The following CACNA1C variants were observed in gnomAD, a reference collection of about 807,000 sequenced individuals.
CACNA1C encodes voltage-dependent L-type calcium channel subunit alpha-1C.
In CACNA1C, 30 loss-of-function variants were observed where a neutral mutation model predicts 229.0. The observed-to-expected ratio is 0.13, with a 90% CI of 0.10 to 0.18. The LOEUF (loss-of-function observed/expected upper bound fraction) is 0.18. Among genes scored for constraint, CACNA1C ranks in the 10% least tolerant of loss-of-function variants. CACNA1C has a pLI of 1.00. For synonymous variants in CACNA1C, 1,114 were observed against 1,132.5 expected, an observed-to-expected ratio of 0.98 and a Z score of 0.33; for missense variants, 1,658 against 2,845.0, an observed-to-expected ratio of 0.58 and a Z score of 9.49.
chr12:2,655,817 T>C (rs956066801), intron 34 of CACNA1C, among the ~76,000 whole-genome samples: 10 of 152,152 alleles, frequency 6.6e-5, no homozygotes, highest in African/African-American at 2.4e-4. Context: ...TAAGACACCA[T>C]ATTAACAGAA....
At chr12:2,145,645 G>A (rs1002423543) in intron 3 of CACNA1C, among the ~76,000 whole-genome samples, 2 of 151,260 alleles carry the variant, frequency 1.3e-5, no homozygotes, top group African/African-American at 4.8e-5. Flanking sequence ...GTGAGAGAGG[G>A]TATGGTACCT....
intron 1 of CACNA1C, among the ~76,000 whole-genome samples, chr12:2,097,271 G>C (rs368298349): frequency 1.2e-4 from 18 of 152,106 alleles, no homozygotes; most frequent in African/African-American, 2.6e-4. Flanking sequence ...TCAGCCTCCC[G>C]TGTAGCTGGG....
chr12:2,239,111 A>G (rs2154371484), intron 3 of CACNA1C, among the ~76,000 whole-genome samples: 1 of 152,312 alleles, frequency 6.6e-6, no homozygotes, highest in East Asian at 1.9e-4. Flanking sequence ...TAGTTTTACT[A>G]CAATAACCTG....
At chr12:2,576,386 G>A (rs562448337) in intron 13 of CACNA1C, among the ~76,000 whole-genome samples, 2 of 152,300 alleles carry the variant, frequency 1.3e-5, no homozygotes, top group South Asian at 4.1e-4. Context: ...GTGAGCTTGT[G>A]GGCATGTGTG....
intron 5 of CACNA1C, among the ~76,000 whole-genome samples, chr12:2,483,576 GTAT>G (rs2099685307): frequency 6.6e-6 from 1 of 152,114 alleles, no homozygotes; most frequent in African/African-American, 2.4e-5. Context: ...TAATTAGCAT[GTAT>G]TATTTATACA....
chr12:2,335,189 C>T (rs531869946), intron 3 of CACNA1C, among the ~76,000 whole-genome samples: 4 of 152,126 alleles, frequency 2.6e-5, no homozygotes, highest in African/African-American at 7.2e-5. Flanking sequence ...CTCACTCACC[C>T]GGCAGCCTCA....
At chr12:2,257,462 C>T (rs879687759) in intron 3 of CACNA1C, among the ~76,000 whole-genome samples, 2 of 152,208 alleles carry the variant, frequency 1.3e-5, no homozygotes, top group Admixed American at 1.3e-4. Context: ...ATTAGATTCT[C>T]ATCAGGAGCA....
chr12:2,239,073 G>A (rs575168950), intron 3 of CACNA1C, among the ~76,000 whole-genome samples: 1 of 152,140 alleles, frequency 6.6e-6, no homozygotes, highest in Non-Finnish European at 1.5e-5. Context: ...ATGGTAGCTC[G>A]TGAAATTTTA....
At chr12:2,026,608 C>T (rs2047372733) in intron 1 of CACNA1C, among the ~76,000 whole-genome samples, 1 of 152,218 alleles carries the variant, frequency 6.6e-6, no homozygotes, top group African/African-American at 2.4e-5. Context: ...TGGAAGACTT[C>T]ACTCTGTATA....
At chr12:2,452,509 A>G (rs2099388187) in intron 4 of CACNA1C, among the ~76,000 whole-genome samples, 1 of 152,054 alleles carries the variant, frequency 6.6e-6, no homozygotes, top group African/African-American at 2.4e-5. Flanking sequence ...CCACTGCCGG[A>G]CTACAGATCT....
At chr12:2,510,839 A>T (rs1032723168) in intron 8 of CACNA1C, among the ~76,000 whole-genome samples, 1 of 152,142 alleles carries the variant, frequency 6.6e-6, no homozygotes, top group African/African-American at 2.4e-5. Flanking sequence ...TAGTTTTTGG[A>T]GTTGATTTGC....
chr12:2,508,649 T>C (rs759132241), intron 8 of CACNA1C, among the ~76,000 whole-genome samples: 1 of 152,110 alleles, frequency 6.6e-6, no homozygotes, highest in Non-Finnish European at 1.5e-5. Flanking sequence ...CGAGACTCTG[T>C]CTCTAAAAGT....
At chr12:2,589,658 G>A (rs975701277) in intron 18 of CACNA1C, among the ~76,000 whole-genome samples, 2 of 145,136 alleles carry the variant, frequency 1.4e-5, no homozygotes, top group Non-Finnish European at 3.2e-5. Context: ...AGCAGAGGAG[G>A]CCCTGACCTG....
intron 1 of CACNA1C, among the ~76,000 whole-genome samples, chr12:2,055,376 G>C (rs552272717): frequency 1.3e-5 from 2 of 152,210 alleles, no homozygotes; most frequent in Non-Finnish European, 2.9e-5. Context: ...CTGTAGTATT[G>C]CCCTAAGTAT....
At chr12:2,295,248 T>C (rs965562515) in intron 3 of CACNA1C, among the ~76,000 whole-genome samples, 1 of 152,176 alleles carries the variant, frequency 6.6e-6, no homozygotes, top group Non-Finnish European at 1.5e-5. Context: ...TCCTCCCATA[T>C]GGTCAAGCAG....
intron 11 of CACNA1C, among the ~76,000 whole-genome samples, chr12:2,561,759 T>C (rs1465360001): frequency 1.7e-4 from 26 of 152,192 alleles, no homozygotes; most frequent in Admixed American, 1.7e-3. Flanking sequence ...GAGACATAGA[T>C]GAGACCCATT....
intron 3 of CACNA1C, among the ~76,000 whole-genome samples, chr12:2,175,600 G>A (rs1187896343): frequency 6.6e-6 from 1 of 152,252 alleles, no homozygotes. Flanking sequence ...ATCTATTACT[G>A]AGGCCCCATC....
chr12:2,254,762 A>T (rs1228809750), intron 3 of CACNA1C, among the ~76,000 whole-genome samples: 1 of 152,124 alleles, frequency 6.6e-6, no homozygotes, highest in Non-Finnish European at 1.5e-5. Flanking sequence ...ATGGGGGACG[A>T]TATATGTTGA....
rs117978322 is a variant in CACNA1C, at chr12:2,144,422, G to A, written c.477+23992G>A. 4.2e-3 allele frequency among the ~76,000 whole-genome samples: 629 copies of A among 151,340 alleles called. 30 individuals are homozygous for A. Among genetic ancestry groups the A allele is most frequent in the Non-Finnish European group, 7.2e-3 (484 of 67,596 alleles). ...AGTTCAGTCTAAGATCATTCTTAGGGTGGTCTGTTTTCATTCATTCAACAA... is the reference window on the plus strand; with the variant it reads ...AGTTCAGTCTAAGATCATTCTTAGGATGGTCTGTTTTCATTCATTCAACAA... On this transcript the variant is annotated intron_variant, in intron 3 of 46. Coordinates refer to ENST00000399655, the MANE Select transcript of CACNA1C (RefSeq NM_000719.7).
Sources: allele counts gnomAD v4.1 joint callset (sites outside exome capture counted in the v4.1 genomes callset), GRCh38; gene constraint gnomAD v4.1.1; transcripts MANE v1.5; gene names NCBI Gene and HGNC (gene_info 2026-07-23, HGNC 2026-07-21).